Variants in TLE3 observed in about 807,000 individuals in gnomAD.
TLE3 encodes transducin-like enhancer protein 3.
TLE3 carries 14 observed loss-of-function variants against 93.0 expected under a neutral mutation model. The observed-to-expected ratio is 0.15, with a 90% CI of 0.10 to 0.24. The LOEUF is 0.24. TLE3 is among the 10% of genes least tolerant of loss of function. TLE3 has a pLI of 1.00. For missense variants in TLE3, 693 were observed against 1,046.6 expected (o/e 0.66, Z 4.66); for synonymous variants, 451 against 425.0 (o/e 1.06, Z -0.75).
rs1410435166 is a variant in TLE3 at position 70,058,503 on chromosome 15, G to A, written c.918+160C>T. 4 of 1,294,280 alleles carry A rather than the reference G, an allele frequency of 3.1e-6. No individual in the cohort carries two copies. Among genetic ancestry groups the A allele is most frequent in the South Asian group, 1.5e-5 (1 of 65,012 alleles). 80.2% of individuals were successfully genotyped at this position (1,294,280 alleles called of 1,614,324 possible). A position where few individuals can be genotyped will look rare whatever the true frequency, so the allele number is the denominator to read the frequency against. The stretch of plus-strand genomic sequence containing the variant: ...GACGTAGCAACCGAGGCTCAGAAAC[G>A]TTAACTCATTAGCACAGGCCCAGCA... On this transcript the variant is annotated intron_variant, in intron 11 of 19. Coordinates refer to ENST00000451782, the MANE Select transcript of TLE3 (RefSeq NM_001105192.3). This position sits in a 1 kb window ranked among gnomAD's most constrained non-coding sequence, Gnocchi z 4.1.
At chr15:70,061,976 G>C (rs1180125009) in intron 8 of TLE3, among the ~76,000 whole-genome samples, 1 of 152,192 alleles carries the variant, frequency 6.6e-6, no homozygotes, top group African/African-American at 2.4e-5. Flanking sequence ...CACTTTCCCA[G>C]AGGCCAAGCG....
intron 14 of TLE3, 184 bp from the exon 15 acceptor site, chr15:70,055,482 T>A: frequency 3.0e-6 from 2 of 677,280 alleles, no homozygotes; most frequent in South Asian, 3.1e-5. Context: ...TAGACATGAT[T>A]AACAGACCAG....
At position 70,094,529 on chromosome 15, in the gene TLE3, T is replaced by C. The variant is rs901761037; in HGVS notation, c.234+3A>G. 2 of 1,547,552 alleles carry C rather than the reference T, an allele frequency of 1.3e-6. No individual in the cohort carries two copies. The highest frequency in any genetic ancestry group is 2.8e-5 in the African/African-American group (2 of 72,370). Reference sequence around the variant, plus strand: ...TATATTTTTAAAAGAGAAAAGCACTTACCTGCTTGTGCATTTCAATGTTCA... The same window carrying C: ...TATATTTTTAAAAGAGAAAAGCACTCACCTGCTTGTGCATTTCAATGTTCA... On this transcript the variant is annotated splice_donor_region_variant and intron_variant, in intron 4 of 19. Transcript: ENST00000451782.
chr15:70,058,039 G>A lies in TLE3; in HGVS notation c.1051+120C>T. The A allele has an allele frequency of 6.8e-7, 1 of 1,477,128 alleles. No individual in the cohort carries two copies. The highest frequency in any genetic ancestry group is 9.2e-7 in the Non-Finnish European group (1 of 1,091,970). 91.5% of individuals were successfully genotyped at this position (1,477,128 alleles called of 1,614,324 possible). On this transcript the variant is annotated intron_variant, in intron 12 of 19. Coordinates refer to ENST00000451782, the MANE Select transcript of TLE3 (RefSeq NM_001105192.3). The surrounding 1 kb of genome is among the most constrained non-coding windows in gnomAD (Gnocchi z 4.1). Reference sequence around the variant, plus strand: ...TCTGACCGTGAAGTCCCCAGGGGCAGGCCCTGGGAGACACTGCCTGTGCTC... The same window carrying A: ...TCTGACCGTGAAGTCCCCAGGGGCAAGCCCTGGGAGACACTGCCTGTGCTC...
chr15:70,091,057 G>A (rs111382052), intron 4 of TLE3, among the ~76,000 whole-genome samples: 29 of 152,342 alleles, frequency 1.9e-4, no homozygotes, highest in African/African-American at 7.0e-4. Context: ...TACCACTAAC[G>A]TGGGACTGTA....
In TLE3 at chr15:70,056,259, C is replaced by A. The variant is rs552486017; in HGVS notation, c.1328+39G>T. On this transcript the variant is annotated intron_variant, in intron 14 of 19. Coordinates refer to ENST00000451782, the MANE Select transcript of TLE3 (RefSeq NM_001105192.3). ...TGGGGGTAGAGTGCTCTCTCCTGCC[C>A]ACCCTACAAAGCATGCAGTAAGTAT... 2.5e-6 allele frequency: 4 copies of A among 1,604,826 alleles called. No individual in the cohort carries two copies. The South Asian group carries it at 4.4e-5, about 18-fold the overall frequency.
chr15:70,059,703 C>A (rs1301348473), intron 9 of TLE3, among the ~76,000 whole-genome samples: 1 of 152,224 alleles, frequency 6.6e-6, no homozygotes, highest in African/African-American at 2.4e-5. Flanking sequence ...CACTGGGCAG[C>A]CGCACTGACA....
At chr15:70,053,006 G>T in intron 17 of TLE3, 1 of 541,318 alleles carries the variant, frequency 1.8e-6, no homozygotes, top group Non-Finnish European at 3.2e-6. Flanking sequence ...AGAATGAATC[G>T]AATTTCCACA....
Position 70,055,236 on chromosome 15 carries a change from G to A in TLE3, c.1391C>T (p.Ala464Val). ...QMQPVPFPHD[A>V]LAGPGIPRHA... is the part of the protein sequence containing the mutation. ...CCTCGGGATGCCGGGGCCTGCCAGG[G>A]CGTCGTGGGGGAAGGGCACGGGCTG... Residue 464 changes from alanine to valine, a missense_variant, in exon 15 of 20, where the codon GCC becomes GTC. Ala to Val is a moderately conservative substitution (Grantham distance 64, BLOSUM62 0). Transcript: ENST00000451782. 1 of 1,612,412 alleles carries A rather than the reference G, an allele frequency of 6.2e-7. No homozygotes were observed.
intron 4 of TLE3, among the ~76,000 whole-genome samples, chr15:70,081,348 G>C (rs2057768637): frequency 6.6e-6 from 1 of 152,260 alleles, no homozygotes; most frequent in African/African-American, 2.4e-5. Context: ...GCAGAGAAGA[G>C]CCAAGCCACC....
Position 70,097,339 on chromosome 15 carries a change from A to AGGT in TLE3, c.-544_-542dup, listed in dbSNP as rs2058611583. 1 of 403,030 alleles carries AGGT rather than the reference A, an allele frequency of 2.5e-6. No homozygotes were observed. The allele number at this position is 403,030 out of a possible 1,614,324, so 25.0% of individuals were successfully genotyped here. ...GAGAAGAGGAAGGAGGCGGGCTACG[A>AGGT]GGTGGTGGCTTGGGGCCGCAGGAGC... On this transcript the variant is annotated 5_prime_UTR_variant, in exon 1 of 20. Transcript: ENST00000451782.
At chr15:70,055,398 C>T in intron 14 of TLE3, 100 bp from the exon 15 acceptor site, 1 of 1,485,048 alleles carries the variant, frequency 6.7e-7, no homozygotes, top group Non-Finnish European at 8.9e-7. Flanking sequence ...GACTGGCTGC[C>T]CTGCCTCTAG....
chr15:70,074,475 A>C (rs891243958), intron 6 of TLE3, 58 bp downstream of exon 6: 1 of 1,562,916 alleles, frequency 6.4e-7, no homozygotes, highest in Non-Finnish European at 8.7e-7. Flanking sequence ...GTTATGATAA[A>C]TGAGAGGAAT....
rs545044290 is a variant in TLE3, at chr15:70,097,646, G to C, written c.-848C>G. 3.1e-4 allele frequency: 123 copies of C among 398,208 alleles called. No homozygotes were observed. The highest frequency in any genetic ancestry group is 2.4e-3 in the African/African-American group (119 of 48,702). The allele number at this position is 398,208 out of a possible 1,614,324, so 24.7% of individuals were successfully genotyped here. A position where few individuals can be genotyped will look rare whatever the true frequency, so the allele number is the denominator to read the frequency against. Reference sequence around the variant, plus strand: ...CGCTCAGCGCCACCGCCGCTGCCGCGTCGGAGCGCACAGGCAGGAGAGCGC... The same window carrying C: ...CGCTCAGCGCCACCGCCGCTGCCGCCTCGGAGCGCACAGGCAGGAGAGCGC... On this transcript the variant is annotated 5_prime_UTR_variant, in exon 1 of 20. Coordinates refer to ENST00000451782, the MANE Select transcript of TLE3 (RefSeq NM_001105192.3).
chr15:70,065,726 C>A (rs888343667), intron 7 of TLE3, among the ~76,000 whole-genome samples: 1 of 152,200 alleles, frequency 6.6e-6, no homozygotes, highest in African/African-American at 2.4e-5. Context: ...CTGGGGCTGG[C>A]CCCTGAAGGA....
chr15:70,079,783 CA>C lies in TLE3; in HGVS notation c.235-3626del, dbSNP rs949501061. 5.9e-5 allele frequency among the ~76,000 whole-genome samples: 9 copies of C among 152,132 alleles called. No homozygotes were observed. The East Asian group carries it at 1.8e-3, about 30-fold the overall frequency. On this transcript the variant is annotated intron_variant, in intron 4 of 19. Transcript: ENST00000451782. ...GTAATGACCGCTGATATCACCCACCCAACTCGCCATGTGTGCATCCACAATA... is the reference window on the plus strand; with the variant it reads ...GTAATGACCGCTGATATCACCCACCCACTCGCCATGTGTGCATCCACAATA...
intron 4 of TLE3, among the ~76,000 whole-genome samples, chr15:70,076,721 CTTTT>C (rs893399967): frequency 6.6e-6 from 1 of 151,584 alleles, no homozygotes; most frequent in African/African-American, 2.4e-5. Flanking sequence ...AGCCTTCTTT[CTTTT>C]TTTTTCTTTC....
intron 4 of TLE3, among the ~76,000 whole-genome samples, chr15:70,080,197 G>T (rs1485504335): frequency 6.6e-6 from 1 of 152,146 alleles, no homozygotes; most frequent in Non-Finnish European, 1.5e-5. Flanking sequence ...GGCGGCTGTA[G>T]TTTCCAGAGG....
chr15:70,097,210 G>C lies in TLE3; in HGVS notation c.-412C>G. 2.5e-6 allele frequency: 1 copy of C among 407,098 alleles called. No individual in the cohort carries two copies. The highest frequency in any genetic ancestry group is 4.3e-6 in the Non-Finnish European group (1 of 233,172). The allele number at this position is 407,098 out of a possible 1,614,324, so 25.2% of individuals were successfully genotyped here. On this transcript the variant is annotated 5_prime_UTR_variant, in exon 1 of 20. Coordinates refer to ENST00000451782, the MANE Select transcript of TLE3 (RefSeq NM_001105192.3). ...TGGGGCGAGCTCGGGCCCCCTCCGG[G>C]TCACTCAGCGGGTCGCGCCTGTAGG...
Sources: allele counts gnomAD v4.1 joint callset (sites outside exome capture counted in the v4.1 genomes callset), GRCh38; gene constraint gnomAD v4.1.1; non-coding constraint Gnocchi (gnomAD v3.1); transcripts MANE v1.5; gene names NCBI Gene and HGNC (gene_info 2026-07-23, HGNC 2026-07-21).